DCC: variants seen among roughly 807,000 people sequenced by gnomAD.
The protein encoded by DCC is netrin receptor DCC.
DCC carries 58 observed loss-of-function variants against 172.5 expected under a neutral mutation model. The ratio of observed to expected loss-of-function variants is 0.34; its 90% CI spans 0.27 to 0.42. DCC has a LOEUF of 0.42. Among genes scored for constraint, DCC ranks in the 10% least tolerant of loss-of-function variants. DCC has a pLI of 1.00. For missense variants in DCC, 1,740 were observed against 1,791.0 expected, an observed-to-expected ratio of 0.97 and a Z score of 0.51; for synonymous variants, 709 against 644.5, an observed-to-expected ratio of 1.10 and a Z score of -1.52.
intron 12 of DCC, among the ~76,000 whole-genome samples, chr18:53,267,257 G>C (rs1019408137): frequency 1.3e-5 from 2 of 152,042 alleles, no homozygotes; most frequent in African/African-American, 4.8e-5. Flanking sequence ...TACAATCTCA[G>C]CTTACCGCAA....
intron 15 of DCC, among the ~76,000 whole-genome samples, chr18:53,351,397 C>CTG (rs2057803040): frequency 5.6e-5 from 1 of 17,762 alleles, no homozygotes; most frequent in East Asian, 1.6e-3. Flanking sequence ...TATATATATA[C>CTG]AGTGTATATA....
chr18:53,284,209 T>C (rs554992163), intron 12 of DCC, among the ~76,000 whole-genome samples: 18 of 152,254 alleles, frequency 1.2e-4, no homozygotes, highest in African/African-American at 4.3e-4. Context: ...ACTAAAAGGA[T>C]TGAGATTGAA....
chr18:52,530,526 T>C (rs1816793), intron 1 of DCC, among the ~76,000 whole-genome samples: 89,103 of 152,008 alleles, frequency 0.59, 26,488 homozygotes, highest in South Asian at 0.7. Context: ...AAACAGAGAA[T>C]GCACATAAAA....
At chr18:53,054,881 C>T (rs1221079257) in intron 5 of DCC, among the ~76,000 whole-genome samples, 1 of 152,036 alleles carries the variant, frequency 6.6e-6, no homozygotes, top group Admixed American at 6.6e-5. Flanking sequence ...TTTTATTTCT[C>T]TAGGATTATT....
chr18:52,687,874 A>G (rs2035867629), intron 1 of DCC, among the ~76,000 whole-genome samples: 1 of 152,130 alleles, frequency 6.6e-6, no homozygotes, highest in African/African-American at 2.4e-5. Context: ...TTGCACTCAA[A>G]GAAAGATGGG....
At chr18:52,355,369 C>T (rs967238883) in intron 1 of DCC, among the ~76,000 whole-genome samples, 12 of 152,090 alleles carry the variant, frequency 7.9e-5, no homozygotes, top group Non-Finnish European at 1.5e-4. Context: ...CACAAATCTA[C>T]GAATGAGTTC....
At chr18:52,883,326 T>TA (rs35300088) in intron 2 of DCC, among the ~76,000 whole-genome samples, 3,821 of 61,938 alleles carry the variant, frequency 0.062, 73 homozygotes, top group Non-Finnish European at 0.076. Flanking sequence ...TTATTTTATT[T>TA]TTTATTTATT....
chr18:52,481,972 T>A (rs1407524703), intron 1 of DCC, among the ~76,000 whole-genome samples: 1 of 152,152 alleles, frequency 6.6e-6, no homozygotes, highest in Non-Finnish European at 1.5e-5. Flanking sequence ...ATCCATTTGA[T>A]ATTTCCTACC....
At chr18:52,611,269 G>A (rs1215375395) in intron 1 of DCC, among the ~76,000 whole-genome samples, 3 of 152,014 alleles carry the variant, frequency 2.0e-5, no homozygotes, top group Non-Finnish European at 4.4e-5. Context: ...TCTTTCCTCT[G>A]AATAGTTCTT....
chr18:53,514,235 G>A (rs2046303145), intron 27 of DCC, among the ~76,000 whole-genome samples: 1 of 152,028 alleles, frequency 6.6e-6, no homozygotes, highest in Non-Finnish European at 1.5e-5. Context: ...CAGAAATAAA[G>A]ATGTTCTTTG....
intron 5 of DCC, among the ~76,000 whole-genome samples, chr18:52,960,895 T>C (rs904831869): frequency 6.6e-6 from 1 of 152,156 alleles, no homozygotes; most frequent in Non-Finnish European, 1.5e-5. Flanking sequence ...TATTTTATAT[T>C]TATATTTTTG....
At chr18:53,469,340 T>C (rs1413302060) in intron 25 of DCC, among the ~76,000 whole-genome samples, 3 of 152,234 alleles carry the variant, frequency 2.0e-5, no homozygotes, top group Non-Finnish European at 4.4e-5. Context: ...TGAATATTTA[T>C]GACCAAAAGT....
intron 7 of DCC, among the ~76,000 whole-genome samples, chr18:53,152,563 T>A (rs1337454628): frequency 1.6e-5 from 2 of 128,202 alleles, no homozygotes; most frequent in Non-Finnish European, 3.2e-5. Flanking sequence ...ATTAAAAAAT[T>A]TTTAAAGATG....
chr18:53,280,977 G>A (rs368425826), intron 12 of DCC, among the ~76,000 whole-genome samples: 2 of 151,348 alleles, frequency 1.3e-5, no homozygotes, highest in African/African-American at 2.5e-5. Flanking sequence ...GTAGCAGTGT[G>A]CAGTCTTCTC....
At chr18:52,700,817 G>A (rs775976675) in intron 1 of DCC, among the ~76,000 whole-genome samples, 6 of 152,182 alleles carry the variant, frequency 3.9e-5, no homozygotes, top group Admixed American at 6.5e-5. Flanking sequence ...GGAATCACCA[G>A]GACAGAGAGT....
At chr18:52,383,855 C>T (rs1392946360) in intron 1 of DCC, among the ~76,000 whole-genome samples, 1 of 151,958 alleles carries the variant, frequency 6.6e-6, no homozygotes, top group Non-Finnish European at 1.5e-5. Context: ...AATTTTCATT[C>T]CACTGAATTT....
intron 2 of DCC, among the ~76,000 whole-genome samples, chr18:52,848,206 C>T (rs1407049620): frequency 6.6e-6 from 1 of 151,758 alleles, no homozygotes; most frequent in African/African-American, 2.4e-5. Flanking sequence ...CTGCCCCAGC[C>T]TCCGGAGTGC....
At chr18:52,896,890 T>C (rs1393693114) in intron 2 of DCC, among the ~76,000 whole-genome samples, 2 of 152,084 alleles carry the variant, frequency 1.3e-5, no homozygotes, top group African/African-American at 4.8e-5. Context: ...GGGTTGATTC[T>C]GTGCAGTGCC....
chr18:53,212,693 C>A (rs2055776460), intron 11 of DCC, among the ~76,000 whole-genome samples: 1 of 147,598 alleles, frequency 6.8e-6, no homozygotes, highest in South Asian at 2.1e-4. Flanking sequence ...TTTTTTGAGA[C>A]AGAGTCTCAC....
Sources: gnomAD v4.1 joint callset for allele counts (sites outside exome capture counted in the v4.1 genomes callset) on GRCh38, gnomAD v4.1.1 for gene constraint, MANE v1.5 for transcripts, NCBI Gene and HGNC (gene_info 2026-07-23, HGNC 2026-07-21) for gene names.